The following RBFOX1 variants were observed in gnomAD, a reference collection of about 807,000 sequenced individuals.
RBFOX1 encodes RNA binding protein fox-1 homolog 1.
Under a neutral mutation model 57.7 loss-of-function variants are expected in RBFOX1, and 8 were observed. That is an observed-to-expected ratio of 0.14 (90% confidence interval 0.08 to 0.25). The LOEUF is 0.25. Among genes scored for constraint, RBFOX1 ranks in the 10% least tolerant of loss-of-function variants. RBFOX1 has a pLI of 1.00. For synonymous variants in RBFOX1, 326 were observed against 222.4 expected, an observed-to-expected ratio of 1.47 and a Z score of -4.15; for missense variants, 611 against 548.5, an observed-to-expected ratio of 1.11 and a Z score of -1.14.
intron 3 of RBFOX1, among the ~76,000 whole-genome samples, chr16:6,894,565 T>C (rs2066298882): frequency 6.6e-6 from 1 of 152,188 alleles, no homozygotes; most frequent in Non-Finnish European, 1.5e-5. Flanking sequence ...AAACAAGAAG[T>C]ATTTCTGAAA....
At chr16:6,874,241 G>T (rs2061433270) in intron 3 of RBFOX1, among the ~76,000 whole-genome samples, 1 of 152,118 alleles carries the variant, frequency 6.6e-6, no homozygotes, top group African/African-American at 2.4e-5. Context: ...CAGGCAAAGT[G>T]GTTCACACTT....
chr16:7,114,771 C>G (rs936516849), intron 4 of RBFOX1, among the ~76,000 whole-genome samples: 1 of 152,244 alleles, frequency 6.6e-6, no homozygotes, highest in East Asian at 1.9e-4. Flanking sequence ...TTTACATGTG[C>G]TTCTCTGTCT....
At chr16:6,829,650 G>T (rs1171809634) in intron 3 of RBFOX1, among the ~76,000 whole-genome samples, 5 of 151,932 alleles carry the variant, frequency 3.3e-5, no homozygotes, top group Non-Finnish European at 7.4e-5. Flanking sequence ...CACCCATACG[G>T]CAGTGCAGGG....
chr16:6,744,455 AT>A (rs1246363053), intron 3 of RBFOX1, among the ~76,000 whole-genome samples: 4 of 152,018 alleles, frequency 2.6e-5, no homozygotes, highest in Admixed American at 6.5e-5. Flanking sequence ...GGGCTGAACT[AT>A]TTTTTTTAAT....
At chr16:7,538,652 A>G (rs985131314) in intron 5 of RBFOX1, among the ~76,000 whole-genome samples, 1 of 152,186 alleles carries the variant, frequency 6.6e-6, no homozygotes, top group African/African-American at 2.4e-5. Context: ...TGCTTCAGTT[A>G]TGCATTGCTG....
Position 6,774,094 on chromosome 16 carries a change from A to G in RBFOX1, c.-16+119444A>G, listed in dbSNP as rs866859293. ...ATTAATTTCCTAGCTTTAAATTACC[A>G]AGAATTGGACTTTTTGTAAAATACC... On this transcript the variant is annotated intron_variant, in intron 3 of 15. Coordinates refer to ENST00000550418, the MANE Select transcript of RBFOX1 (RefSeq NM_018723.4). The G allele has an allele frequency of 2.6e-4, 210 of 793,712 alleles. No homozygotes were observed. The Middle Eastern group carries it at 3.9e-3, about 15-fold the overall frequency. 49.2% of individuals were successfully genotyped at this position (793,712 alleles called of 1,614,324 possible).
At chr16:7,171,631 G>A (rs66528127) in intron 4 of RBFOX1, among the ~76,000 whole-genome samples, 26,574 of 152,028 alleles carry the variant, frequency 0.17, 3,286 homozygotes, top group East Asian at 0.39. Context: ...GACATGGAAG[G>A]GGCCATTTCC....
chr16:6,528,291 G>C (rs189142429), intron 2 of RBFOX1, among the ~76,000 whole-genome samples: 1 of 152,288 alleles, frequency 6.6e-6, no homozygotes, highest in Non-Finnish European at 1.5e-5. Flanking sequence ...GAGACAATTA[G>C]ACTTCCACTT....
At chr16:6,889,101 GAC>G (rs2153368920) in intron 3 of RBFOX1, among the ~76,000 whole-genome samples, 1 of 152,224 alleles carries the variant, frequency 6.6e-6, no homozygotes, top group South Asian at 2.1e-4. Flanking sequence ...TATCACAGTG[GAC>G]AAGAATTCCA....
intron 4 of RBFOX1, among the ~76,000 whole-genome samples, chr16:7,274,487 AATAC>A (rs1212559322): frequency 6.6e-6 from 1 of 152,112 alleles, no homozygotes; most frequent in African/African-American, 2.4e-5. Context: ...TAGCTTGGAG[AATAC>A]ATACATATGT....
chr16:5,450,118 A>G (rs1387208715), intron 1 of RBFOX1, among the ~76,000 whole-genome samples: 1 of 152,204 alleles, frequency 6.6e-6, no homozygotes, highest in Non-Finnish European at 1.5e-5. Flanking sequence ...CAAATAAGAA[A>G]GGGTTGGGCA....
At chr16:7,277,401 T>C (rs1447312155) in intron 4 of RBFOX1, among the ~76,000 whole-genome samples, 1 of 152,132 alleles carries the variant, frequency 6.6e-6, no homozygotes, top group African/African-American at 2.4e-5. Flanking sequence ...CTCCCACCCA[T>C]CTCCAGCTGG....
intron 4 of RBFOX1, among the ~76,000 whole-genome samples, chr16:5,895,441 A>T (rs1279904516): frequency 6.6e-6 from 1 of 152,176 alleles, no homozygotes; most frequent in East Asian, 1.9e-4. Flanking sequence ...GTGAATGCCA[A>T]CCTCTGTGTC....
intron 4 of RBFOX1, among the ~76,000 whole-genome samples, chr16:7,357,709 A>G (rs1034602588): frequency 2.0e-5 from 3 of 152,292 alleles, no homozygotes; most frequent in South Asian, 4.1e-4. Flanking sequence ...TGCCCTGCCC[A>G]TGCTCAGAGG....
chr16:7,607,549 G>A (rs114528626), intron 10 of RBFOX1, among the ~76,000 whole-genome samples: 7 of 152,162 alleles, frequency 4.6e-5, no homozygotes, highest in Admixed American at 3.3e-4. Context: ...GGGGATCAGC[G>A]TGGAGCCACT....
chr16:6,012,651 G>A (rs2094968411), intron 4 of RBFOX1, among the ~76,000 whole-genome samples: 1 of 152,208 alleles, frequency 6.6e-6, no homozygotes, highest in Non-Finnish European at 1.5e-5. Flanking sequence ...GTCATCTCAT[G>A]GAACAGGGAA....
rs1456694835 is a variant in RBFOX1, at chr16:5,835,783, A to G, written c.319-31520A>G. Among the ~76,000 whole-genome samples the G allele has an allele frequency of 4.6e-5, 7 of 152,302 alleles. No individual in the cohort carries two copies. In the South Asian group the frequency reaches 8.3e-4, roughly 18 times the overall value. ...GGCATGTCGTTATATCTGATTACTT[A>G]TTCATCTTCTTCTTTAGTCTTTTTC... On this transcript the variant is annotated intron_variant, in intron 3 of 19. Transcript: ENST00000641259.
At chr16:5,978,088 A>C (rs778005792) in intron 4 of RBFOX1, among the ~76,000 whole-genome samples, 7 of 127,998 alleles carry the variant, frequency 5.5e-5, no homozygotes, top group Middle Eastern at 6.0e-3. Flanking sequence ...GCAGGAGTTT[A>C]AGACCAGGCT....
intron 4 of RBFOX1, among the ~76,000 whole-genome samples, chr16:7,097,875 T>C (rs72763540): frequency 0.17 from 26,279 of 152,172 alleles, 2,955 homozygotes; most frequent in South Asian, 0.29. Flanking sequence ...TGGGGAATCC[T>C]TGAATAAATC....
Sources: gnomAD v4.1 joint callset for allele counts (sites outside exome capture counted in the v4.1 genomes callset) on GRCh38, gnomAD v4.1.1 for gene constraint, MANE v1.5 for transcripts, NCBI Gene and HGNC (gene_info 2026-07-23, HGNC 2026-07-21) for gene names.